Variants in KCNH1 observed in about 807,000 individuals in gnomAD.
KCNH1 encodes the protein voltage-gated delayed rectifier potassium channel KCNH1.
Under a neutral mutation model 69.2 loss-of-function variants are expected in KCNH1, and 27 were observed. The observed-to-expected ratio is 0.39, with a 90% CI of 0.29 to 0.54. KCNH1 has a LOEUF of 0.54. Among genes scored for constraint, KCNH1 ranks in the 20% least tolerant of loss-of-function variants. The pLI is 0.68. For synonymous variants in KCNH1, 456 were observed against 487.7 expected (o/e 0.93, Z 0.86); for missense variants, 798 against 1,261.6 (o/e 0.63, Z 5.57).
At chr1:210,885,463 C>T (rs1183439480) in intron 7 of KCNH1, among the ~76,000 whole-genome samples, 1 of 152,098 alleles carries the variant, frequency 6.6e-6, no homozygotes, top group Non-Finnish European at 1.5e-5. Context: ...CCCTGGGTTT[C>T]AAGCACAAAA....
intron 6 of KCNH1, among the ~76,000 whole-genome samples, chr1:210,950,353 A>C (rs1216541479): frequency 4.0e-5 from 3 of 75,416 alleles, no homozygotes; most frequent in Non-Finnish European, 4.8e-5. Flanking sequence ...ATATCTCCCA[A>C]TGCTATCCCT....
intron 10 of KCNH1, among the ~76,000 whole-genome samples, chr1:210,774,298 G>C (rs1683817100): frequency 6.6e-6 from 1 of 152,178 alleles, no homozygotes. Flanking sequence ...ATCCAGCTAG[G>C]GCATGAGGAA....
chr1:210,715,060 A>C lies in KCNH1; in HGVS notation c.2113-30922T>G, dbSNP rs554279464. Among the ~76,000 whole-genome samples, 11 of 152,300 alleles carry C rather than the reference A, an allele frequency of 7.2e-5. No homozygotes were observed. The South Asian group carries it at 2.3e-3, about 32-fold the overall frequency. On this transcript the variant is annotated intron_variant, in intron 10 of 10. Coordinates refer to ENST00000271751, the MANE Select transcript of KCNH1 (RefSeq NM_172362.3). The stretch of plus-strand genomic sequence containing the variant: ...GCCAGGCCTGCAGAGAAAGCTTCAG[A>C]TCAAGTCCACAGGAAGACTCTGCCT...
intron 7 of KCNH1, among the ~76,000 whole-genome samples, chr1:210,833,822 T>C (rs1225774729): frequency 1.3e-5 from 2 of 151,978 alleles, no homozygotes; most frequent in African/African-American, 4.8e-5. Flanking sequence ...TACAATGAAC[T>C]CACACAAATT....
At chr1:210,911,027 T>G (rs1320311824) in intron 7 of KCNH1, among the ~76,000 whole-genome samples, 1 of 151,650 alleles carries the variant, frequency 6.6e-6, no homozygotes, top group Admixed American at 6.6e-5. Flanking sequence ...GATTGTAAGT[T>G]AACTGTGGAG....
chr1:210,838,716 A>C (rs1333482090), intron 7 of KCNH1, among the ~76,000 whole-genome samples: 3 of 152,232 alleles, frequency 2.0e-5, no homozygotes, highest in African/African-American at 7.2e-5. Flanking sequence ...AAACAGATTT[A>C]CAAGAGAAAA....
chr1:210,838,243 A>G (rs1685328053), intron 7 of KCNH1, among the ~76,000 whole-genome samples: 1 of 152,204 alleles, frequency 6.6e-6, no homozygotes, highest in Non-Finnish European at 1.5e-5. Context: ...AGCAATGGGG[A>G]AAGTATTCCC....
At chr1:211,110,216 T>C (rs1297247624) in intron 1 of KCNH1, among the ~76,000 whole-genome samples, 1 of 152,168 alleles carries the variant, frequency 6.6e-6, no homozygotes, top group African/African-American at 2.4e-5. Flanking sequence ...ACATATTCTT[T>C]CTTTGGCAGT....
At chr1:210,924,454 A>G (rs1274380943) in intron 6 of KCNH1, among the ~76,000 whole-genome samples, 1 of 152,182 alleles carries the variant, frequency 6.6e-6, no homozygotes. Context: ...ACTCTATTAC[A>G]TGGTTGTTGT....
intron 10 of KCNH1, among the ~76,000 whole-genome samples, chr1:210,740,328 C>T (rs928262976): frequency 6.6e-6 from 1 of 152,134 alleles, no homozygotes; most frequent in African/African-American, 2.4e-5. Flanking sequence ...AAGCTCTTTT[C>T]ATTCCCTCCT....
chr1:210,993,920 A>T (rs1359190196), intron 6 of KCNH1, among the ~76,000 whole-genome samples: 1 of 151,390 alleles, frequency 6.6e-6, no homozygotes, highest in Non-Finnish European at 1.5e-5. Flanking sequence ...AAGGTAATAT[A>T]AAAAAAAATG....
chr1:211,133,983 C>T lies in KCNH1; in HGVS notation c.-38G>A. The T allele has an allele frequency of 6.4e-7, 1 of 1,572,806 alleles. No individual in the cohort carries two copies. The highest frequency in any genetic ancestry group is 8.7e-7 in the Non-Finnish European group (1 of 1,146,290). On this transcript the variant is annotated 5_prime_UTR_variant, in exon 1 of 11. Transcript: ENST00000271751. The surrounding 1 kb of genome is among the most constrained non-coding windows in gnomAD (Gnocchi z 5.4). Reference sequence around the variant, plus strand: ...TCGGGGTCCGGCGGGCGTCCTGGCGCGGCTTCTTACGACAGCAGGAAACTG... The same window carrying T: ...TCGGGGTCCGGCGGGCGTCCTGGCGTGGCTTCTTACGACAGCAGGAAACTG...
At chr1:210,894,485 G>C (rs1464716873) in intron 7 of KCNH1, among the ~76,000 whole-genome samples, 1 of 152,094 alleles carries the variant, frequency 6.6e-6, no homozygotes, top group Non-Finnish European at 1.5e-5. Context: ...TCATTCACAA[G>C]GGTTGATTAG....
chr1:210,926,684 A>G (rs1270065466), intron 6 of KCNH1, among the ~76,000 whole-genome samples: 1 of 152,182 alleles, frequency 6.6e-6, no homozygotes, highest in Non-Finnish European at 1.5e-5. Context: ...AGATCATACC[A>G]GCTCACCAGC....
intron 7 of KCNH1, among the ~76,000 whole-genome samples, chr1:210,870,385 C>G (rs1686212944): frequency 6.6e-6 from 1 of 152,130 alleles, no homozygotes; most frequent in South Asian, 2.1e-4. Context: ...TAATGAATAT[C>G]TCTCAACACA....
intron 7 of KCNH1, among the ~76,000 whole-genome samples, chr1:210,824,852 T>C (rs1685003396): frequency 6.6e-6 from 1 of 152,226 alleles, no homozygotes; most frequent in Non-Finnish European, 1.5e-5. Flanking sequence ...CCCAGCATTA[T>C]CTTGTAATAT....
rs1681200784 is a variant in KCNH1 at position 210,678,947 on chromosome 1, G to C, written c.*4334C>G. On this transcript the variant is annotated 3_prime_UTR_variant, in exon 11 of 11. Transcript: ENST00000271751. ...GGCACCTGCAGGGAATTCAAGTCCA[G>C]TTCTAGAGGTTCCAGAATAAGTCTG... The C allele has an allele frequency of 6.6e-6, 1 of 152,230 alleles. No homozygotes were observed. Among genetic ancestry groups the C allele is most frequent in the Non-Finnish European group, 1.5e-5 (1 of 68,044 alleles). 9.4% of individuals were successfully genotyped at this position (152,230 alleles called of 1,614,324 possible).
At position 211,036,542 on chromosome 1, in the gene KCNH1, G is replaced by A. The variant is rs117458547; in HGVS notation, c.559-17286C>T. ...TCAGGATATAACTATCTGGAAAGAG[G>A]TTAGTGTCCTCCAAAGGGAAGGAAT... On this transcript the variant is annotated intron_variant, in intron 5 of 10. Transcript: ENST00000271751. Among the ~76,000 whole-genome samples the A allele has an allele frequency of 1.6e-4, 25 of 152,278 alleles. No homozygotes were observed. The East Asian group carries it at 4.8e-3, about 29-fold the overall frequency.
chr1:211,031,603 A>G (rs1689786411), intron 5 of KCNH1, among the ~76,000 whole-genome samples: 1 of 152,224 alleles, frequency 6.6e-6, no homozygotes, highest in South Asian at 2.1e-4. Flanking sequence ...AGGCGGGTTC[A>G]ACATATGCAA....
Sources: allele counts gnomAD v4.1 joint callset (sites outside exome capture counted in the v4.1 genomes callset), GRCh38; gene constraint gnomAD v4.1.1; non-coding constraint Gnocchi (gnomAD v3.1); transcripts MANE v1.5; gene names NCBI Gene and HGNC (gene_info 2026-07-23, HGNC 2026-07-21).